Variants in FGF1 observed in about 807,000 individuals in gnomAD.
FGF1 encodes the protein fibroblast growth factor 1.
FGF1 carries 9 observed loss-of-function variants against 13.4 expected under a neutral mutation model. The observed-to-expected ratio is 0.67, with a 90% CI of 0.40 to 1.17. The LOEUF (loss-of-function observed/expected upper bound fraction) is 1.17, where lower values mean the gene tolerates loss of function less well. FGF1 is among the 50% of genes most tolerant of loss of function. The pLI is 0.01. For synonymous variants in FGF1, 93 were observed against 79.0 expected (o/e 1.18, Z -0.94); for missense variants, 156 against 192.7 (o/e 0.81, Z 1.13).
In FGF1 at chr5:142,595,319, A is replaced by G. The variant is rs754699487; in HGVS notation, c.439T>C (p.Phe147Leu). 6.2e-7 allele frequency: 1 copy of G among 1,614,018 alleles called. No individual in the cohort carries two copies. Among genetic ancestry groups the G allele is most frequent in the East Asian group, 2.2e-5 (1 of 44,866 alleles). The change falls in exon 4 of 4, where the codon TTT becomes CTT. Residue 147 changes from phenylalanine to leucine, a missense_variant. By Grantham distance (22) the Phe-to-Leu change is conservative. Coordinates refer to ENST00000337706, the MANE Select transcript of FGF1 (RefSeq NM_000800.5). Reference sequence around the variant, plus strand: ...TCAGAAGAGACTGGCAGGGGGAGAAACAAGATTGCTTTCTGGCCATAGTGA... The same window carrying G: ...TCAGAAGAGACTGGCAGGGGGAGAAGCAAGATTGCTTTCTGGCCATAGTGA... ...RTHYGQKAIL[F>L]LPLPVSSD
intron 1 of FGF1, among the ~76,000 whole-genome samples, chr5:142,659,615 A>G (rs1203640241): frequency 6.6e-6 from 1 of 152,212 alleles, no homozygotes; most frequent in Admixed American, 6.5e-5. Flanking sequence ...ACATCACTGA[A>G]TTCAAATGCT....
chr5:142,660,363 C>G (rs1162596657), intron 1 of FGF1, among the ~76,000 whole-genome samples: 4 of 152,224 alleles, frequency 2.6e-5, no homozygotes, highest in Non-Finnish European at 5.9e-5. Flanking sequence ...TGGCTGCCCA[C>G]CCTTTGGCCT....
intron 1 of FGF1, among the ~76,000 whole-genome samples, chr5:142,646,843 C>G (rs991837803): frequency 6.6e-6 from 1 of 152,224 alleles, no homozygotes; most frequent in Non-Finnish European, 1.5e-5. Flanking sequence ...GACCTCACCA[C>G]CTGATGTCTG....
chr5:142,618,114 G>C (rs921343383), intron 1 of FGF1, among the ~76,000 whole-genome samples: 1 of 152,168 alleles, frequency 6.6e-6, no homozygotes, highest in Non-Finnish European at 1.5e-5. Flanking sequence ...CAAGCCCAGC[G>C]AACTCCGTGT....
chr5:142,635,377 C>CTA (rs2151938188), intron 1 of FGF1, among the ~76,000 whole-genome samples: 1 of 152,304 alleles, frequency 6.6e-6, no homozygotes, highest in African/African-American at 2.4e-5. Context: ...CATCACCTTT[C>CTA]TATTGTACCT....
rs539102332 is a variant in FGF1, at chr5:142,661,966, C to A, written c.-35+23991G>T. On this transcript the variant is annotated intron_variant, in intron 1 of 3. Transcript: ENST00000337706. ...TGCAGTGAGCCGAGATTACACTGCACTCCAGCCTGGGCGACAGAGCAAGAC... is the reference window on the plus strand; with the variant it reads ...TGCAGTGAGCCGAGATTACACTGCAATCCAGCCTGGGCGACAGAGCAAGAC... Among the ~76,000 whole-genome samples the A allele has an allele frequency of 3.3e-5, 5 of 152,100 alleles. No individual in the cohort carries two copies. The East Asian group carries it at 9.6e-4, about 29-fold the overall frequency.
chr5:142,670,081 C>T (rs1325103519), intron 1 of FGF1, among the ~76,000 whole-genome samples: 1 of 152,166 alleles, frequency 6.6e-6, no homozygotes, highest in Admixed American at 6.5e-5. Context: ...TTTGCTGTTC[C>T]CGTCACTTCT....
At chr5:142,631,165 G>C (rs191087213) in intron 1 of FGF1, among the ~76,000 whole-genome samples, 46 of 152,324 alleles carry the variant, frequency 3.0e-4, no homozygotes, top group African/African-American at 1.1e-3. Context: ...TCTGCTCTTT[G>C]TTGTGATGAA....
intron 3 of FGF1, among the ~76,000 whole-genome samples, chr5:142,599,058 C>T (rs1250311347): frequency 6.6e-6 from 1 of 152,130 alleles, no homozygotes; most frequent in Non-Finnish European, 1.5e-5. Context: ...TGTGTTGCAC[C>T]ACTGAACCCA....
At chr5:142,620,136 G>A (rs1034016928) in intron 1 of FGF1, among the ~76,000 whole-genome samples, 13 of 151,970 alleles carry the variant, frequency 8.6e-5, no homozygotes, top group South Asian at 4.1e-4. Flanking sequence ...TTGAAAACTC[G>A]GCTGGGCGCG....
At chr5:142,646,577 G>A (rs372987489) in intron 1 of FGF1, among the ~76,000 whole-genome samples, 5 of 151,284 alleles carry the variant, frequency 3.3e-5, no homozygotes, top group Non-Finnish European at 5.9e-5. Flanking sequence ...AGTCTCAAAC[G>A]CCTGACCTCA....
At chr5:142,621,727 G>A (rs972303933) in intron 1 of FGF1, among the ~76,000 whole-genome samples, 1 of 152,086 alleles carries the variant, frequency 6.6e-6, no homozygotes, top group Non-Finnish European at 1.5e-5. Flanking sequence ...GACTCTGGGA[G>A]GTTCAGCCCT....
intron 1 of FGF1, among the ~76,000 whole-genome samples, chr5:142,641,079 T>A (rs1052382653): frequency 6.6e-6 from 1 of 152,074 alleles, no homozygotes; most frequent in Non-Finnish European, 1.5e-5. Context: ...TTTGGGCGTA[T>A]AGAGATCCCA....
chr5:142,609,849 A>G (rs1758665659), intron 2 of FGF1, among the ~76,000 whole-genome samples: 3 of 152,244 alleles, frequency 2.0e-5, no homozygotes, highest in Admixed American at 2.0e-4. Flanking sequence ...TTTTTAAAAC[A>G]AGGAAACTGA....
At chr5:142,665,433 C>T (rs554539090) in intron 1 of FGF1, among the ~76,000 whole-genome samples, 4 of 152,252 alleles carry the variant, frequency 2.6e-5, no homozygotes, top group African/African-American at 9.6e-5. Context: ...TGGCTCACTC[C>T]TCCTTGGAAA....
chr5:142,692,677 G>C (rs1024344755), intron 2 of FGF1, among the ~76,000 whole-genome samples: 2 of 146,732 alleles, frequency 1.4e-5, no homozygotes, highest in Non-Finnish European at 3.0e-5. Flanking sequence ...ACACACACAC[G>C]CACACACGCA....
At chr5:142,634,763 G>A (rs1469548799) in intron 1 of FGF1, among the ~76,000 whole-genome samples, 1 of 152,164 alleles carries the variant, frequency 6.6e-6, no homozygotes, top group African/African-American at 2.4e-5. Context: ...AGAGCTCCTG[G>A]CTCCTACACT....
chr5:142,691,807 A>G (rs937191929), intron 2 of FGF1, among the ~76,000 whole-genome samples: 4 of 152,240 alleles, frequency 2.6e-5, no homozygotes, highest in African/African-American at 7.2e-5. Context: ...GATGCCTGGC[A>G]TATAGTGGGT....
chr5:142,655,515 G>T (rs533364867), intron 1 of FGF1, among the ~76,000 whole-genome samples: 1 of 152,310 alleles, frequency 6.6e-6, no homozygotes, highest in African/African-American at 2.4e-5. Flanking sequence ...CCTGCTTGCT[G>T]TTCTCCTTTG....
Sources: allele counts gnomAD v4.1 joint callset (sites outside exome capture counted in the v4.1 genomes callset), GRCh38; gene constraint gnomAD v4.1.1; transcripts MANE v1.5; gene names NCBI Gene and HGNC (gene_info 2026-07-23, HGNC 2026-07-21).